The following RB1 variants were observed in gnomAD, a reference collection of about 807,000 sequenced individuals.
The protein encoded by RB1 is RB transcriptional corepressor 1, also known as retinoblastoma-associated protein.
A neutral mutation model predicts 135.4 loss-of-function variants in RB1; 18 were observed. The observed-to-expected ratio is 0.13, with a 90% confidence interval of 0.09 to 0.20. The LOEUF (loss-of-function observed/expected upper bound fraction) is 0.20, where lower values mean the gene tolerates loss of function less well. RB1 is among the 10% of genes least tolerant of loss of function. The probability of loss-of-function intolerance (pLI) is 1.00; values close to 1 mark genes in which losing one functional copy is unlikely to be tolerated. For synonymous variants in RB1, 365 were observed against 373.2 expected, an observed-to-expected ratio of 0.98 and a Z score of 0.25; for missense variants, 868 against 1,110.0, an observed-to-expected ratio of 0.78 and a Z score of 3.10.
At chr13:48,318,785 C>A (rs1023107722) in intron 2 of RB1, 3 of 741,346 alleles carry the variant, frequency 4.0e-6, no homozygotes, top group African/African-American at 3.5e-5. Flanking sequence ...TGGGGCCAGG[C>A]GGTGAAAGTG....
In RB1 at chr13:48,463,716, C is replaced by T. The variant is rs762781001; in HGVS notation, c.2107-15C>T. 7.2e-7 allele frequency: 1 copy of T among 1,389,618 alleles called. No individual in the cohort carries two copies. Among genetic ancestry groups the T allele is most frequent in the Non-Finnish European group, 1.0e-6 (1 of 976,420 alleles). The allele number at this position is 1,389,618 out of a possible 1,614,324, so 86.1% of individuals were successfully genotyped here. On this transcript the variant is annotated splice_polypyrimidine_tract_variant and intron_variant, in intron 20 of 26. Transcript: ENST00000267163. ...AATAAAATTCTGACTACTTTTACAT[C>T]AATTTATTTACTAGATTATGATGTG...
rs533913339 is a variant in RB1, at chr13:48,318,437, C to G, written c.264+11031C>G. 417 of 1,469,908 alleles carry G rather than the reference C, an allele frequency of 2.8e-4. 2 individuals carry two copies. In the African/African-American group the frequency reaches 5.0e-3, roughly 18 times the overall value. 91.1% of individuals were successfully genotyped at this position (1,469,908 alleles called of 1,614,324 possible). A position where few individuals can be genotyped will look rare whatever the true frequency, so the allele number is the denominator to read the frequency against. ...CCTCGTCACTGTCCAGGGAGCTGCTCTTGTCTTCGGAGCTCTCCTTCTCGT... is the reference window on the plus strand; with the variant it reads ...CCTCGTCACTGTCCAGGGAGCTGCTGTTGTCTTCGGAGCTCTCCTTCTCGT... On this transcript the variant is annotated intron_variant, in intron 2 of 26. Coordinates refer to ENST00000267163, the MANE Select transcript of RB1 (RefSeq NM_000321.3).
chr13:48,362,377 C>G lies in RB1; in HGVS notation c.719-438C>G, dbSNP rs190238238. On this transcript the variant is annotated intron_variant, in intron 7 of 26. Coordinates refer to ENST00000267163, the MANE Select transcript of RB1 (RefSeq NM_000321.3). ...ATATTTACTATAATATATTTTATAC[C>G]TATCTTTTAAAGACATCATAATTTA... is the stretch of plus-strand genomic sequence containing the variant. 1.3e-4 allele frequency among the ~76,000 whole-genome samples: 19 copies of G among 151,638 alleles called. No individual in the cohort carries two copies. In the East Asian group the frequency reaches 3.7e-3, roughly 29 times the overall value.
chr13:48,346,406 G>A (rs972291281), intron 4 of RB1, among the ~76,000 whole-genome samples: 1 of 142,602 alleles, frequency 7.0e-6, no homozygotes, highest in Non-Finnish European at 1.5e-5. Flanking sequence ...GTGTGTGTGT[G>A]TGTGTGTGGC....
chr13:48,430,838 T>C (rs1949122865), intron 17 of RB1, among the ~76,000 whole-genome samples: 1 of 151,934 alleles, frequency 6.6e-6, no homozygotes, highest in African/African-American at 2.4e-5. Context: ...AGCAGAAGGA[T>C]TGATTTCTGG....
chr13:48,370,193 G>A (rs754963516), intron 11 of RB1, among the ~76,000 whole-genome samples: 2 of 152,156 alleles, frequency 1.3e-5, no homozygotes, highest in African/African-American at 4.8e-5. Context: ...TGTTCAAAGG[G>A]CTGGAATTGT....
At chr13:48,342,960 G>A (rs1425607730) in intron 3 of RB1, among the ~76,000 whole-genome samples, 1 of 152,066 alleles carries the variant, frequency 6.6e-6, no homozygotes, top group African/African-American at 2.4e-5. Context: ...CACTATTCAT[G>A]TGTAAGCTTT....
chr13:48,343,606 C>T (rs2038441070), intron 3 of RB1, among the ~76,000 whole-genome samples: 1 of 152,062 alleles, frequency 6.6e-6, no homozygotes, highest in Non-Finnish European at 1.5e-5. Flanking sequence ...TGTTTTCTTC[C>T]CTTAAGTTTC....
intron 2 of RB1, among the ~76,000 whole-genome samples, chr13:48,337,280 G>GTT: frequency 6.6e-6 from 1 of 152,282 alleles, no homozygotes; most frequent in East Asian, 1.9e-4. Flanking sequence ...ACAGTGGGGT[G>GTT]TTAAAGTCTC....
intron 2 of RB1, chr13:48,333,247 C>T (rs867134060): frequency 2.6e-6 from 1 of 391,022 alleles, no homozygotes. Context: ...TTTTTTGAAA[C>T]AGCACATGTC....
chr13:48,366,723 G>A (rs4151499), intron 9 of RB1, among the ~76,000 whole-genome samples: 2 of 152,160 alleles, frequency 1.3e-5, no homozygotes, highest in East Asian at 3.8e-4. Flanking sequence ...TAACTGAAGG[G>A]TACTGGAGTG....
At chr13:48,419,145 A>T (rs1331952376) in intron 17 of RB1, among the ~76,000 whole-genome samples, 1 of 152,040 alleles carries the variant, frequency 6.6e-6, no homozygotes, top group Non-Finnish European at 1.5e-5. Context: ...GGAGTAAAAC[A>T]CTCCTCAACA....
intron 6 of RB1, among the ~76,000 whole-genome samples, chr13:48,356,053 T>C (rs1052812342): frequency 4.6e-5 from 7 of 151,930 alleles, no homozygotes; most frequent in African/African-American, 1.4e-4. Flanking sequence ...TAAAATAACT[T>C]AAAGAGTGTA....
chr13:48,477,309 C>T (rs369971710), intron 25 of RB1, 46 bp from the exon 26 acceptor site: 70 of 1,452,616 alleles, frequency 4.8e-5, no homozygotes, highest in Middle Eastern at 1.8e-4. Context: ...TTGAGTTTTC[C>T]ATTTATAAAT....
At chr13:48,366,837 G>C (rs1952704656) in intron 9 of RB1, among the ~76,000 whole-genome samples, 1 of 152,178 alleles carries the variant, frequency 6.6e-6, no homozygotes, top group African/African-American at 2.4e-5. Flanking sequence ...ATTAAAAGCA[G>C]GCTGGGCGCG....
At chr13:48,433,132 T>C (rs1949147022) in intron 17 of RB1, among the ~76,000 whole-genome samples, 1 of 152,142 alleles carries the variant, frequency 6.6e-6, no homozygotes, top group Non-Finnish European at 1.5e-5. Flanking sequence ...ATTTCTGATA[T>C]GAACATACAT....
Position 48,456,326 on chromosome 13 carries a change from C to A in RB1, c.1937C>A (p.Ser646Tyr). 6.2e-7 allele frequency: 1 copy of A among 1,614,206 alleles called. No individual in the cohort carries two copies. The highest frequency in any genetic ancestry group is 8.5e-7 in the Non-Finnish European group (1 of 1,180,022). ...ACCCAGAAGCCATTGAAATCTACCT[C>A]TCTTTCACTGTTTTATAAAAAAGGT... Reference protein sequence around the residue: ...FQTQKPLKSTSLSLFYKKVYR... With the variant: ...FQTQKPLKSTYLSLFYKKVYR... Residue 646 changes from serine to tyrosine, a missense_variant, in exon 19 of 27, where the codon TCT becomes TAT. Physicochemically the swap from Ser to Tyr is moderately radical, Grantham distance 144. Transcript: ENST00000267163.
At position 48,406,917 on chromosome 13, in the gene RB1, G is replaced by C. The variant is rs372739737; in HGVS notation, c.1695+25474G>C. ...TTAAAACAAACAAACAAACAAACAG[G>C]GTTCTTACCCTGGCGCTACATTAAT... On this transcript the variant is annotated intron_variant, in intron 17 of 26. Coordinates refer to ENST00000267163, the MANE Select transcript of RB1 (RefSeq NM_000321.3). 7.2e-4 allele frequency among the ~76,000 whole-genome samples: 108 copies of C among 149,892 alleles called. No homozygotes were observed. In the Middle Eastern group the frequency reaches 0.01, roughly 14 times the overall value.
chr13:48,472,542 A>C (rs572346522), intron 23 of RB1, among the ~76,000 whole-genome samples: 1 of 152,244 alleles, frequency 6.6e-6, no homozygotes, highest in East Asian at 1.9e-4. Flanking sequence ...TAATTAGTCC[A>C]TATTATGGTG....
Sources: allele counts gnomAD v4.1 joint callset (sites outside exome capture counted in the v4.1 genomes callset), GRCh38; gene constraint gnomAD v4.1.1; transcripts MANE v1.5; gene names NCBI Gene and HGNC (gene_info 2026-07-23, HGNC 2026-07-21).